Variants in GRID2 observed in about 807,000 individuals in gnomAD.
GRID2 encodes the protein glutamate receptor ionotropic, delta-2.
A neutral mutation model predicts 114.8 loss-of-function variants in GRID2; 33 were observed. The ratio of observed to expected loss-of-function variants is 0.29; its 90% CI spans 0.22 to 0.38. The LOEUF is 0.38. GRID2 is among the 10% of genes least tolerant of loss of function. GRID2 has a pLI of 1.00. For synonymous variants in GRID2, 505 were observed against 449.9 expected (o/e 1.12, Z -1.55); for missense variants, 1,184 against 1,257.7 (o/e 0.94, Z 0.89).
rs760605020 is a variant in GRID2, at chr4:92,688,037, C to CTTTTTTTTTTTTT, written c.244+97768_244+97780dup. On this transcript the variant is annotated intron_variant, in intron 2 of 15. Coordinates refer to ENST00000282020, the MANE Select transcript of GRID2 (RefSeq NM_001510.4). ...GCCACATTGGTTGACCCTTCTTCTT[C>CTTTTTTTTTTTTT]TTTTTTTTTTTTTTTTTTTTTTTTT... Among the ~76,000 whole-genome samples, 59 of 44,670 alleles carry CTTTTTTTTTTTTT rather than the reference C, an allele frequency of 1.3e-3. 7 individuals carry two copies. Among genetic ancestry groups the CTTTTTTTTTTTTT allele is most frequent in the East Asian group, 2.1e-3 (4 of 1,888 alleles). The allele number at this position is 44,670 out of a possible 152,430, so 29.3% of individuals were successfully genotyped here.
chr4:92,605,680 G>A (rs866366872), intron 2 of GRID2, among the ~76,000 whole-genome samples: 31 of 152,090 alleles, frequency 2.0e-4, no homozygotes, highest in African/African-American at 7.2e-4. Flanking sequence ...ATATGGGAAA[G>A]TAATTTGGAG....
At chr4:93,093,040 C>G (rs1030933405) in intron 3 of GRID2, among the ~76,000 whole-genome samples, 2 of 152,014 alleles carry the variant, frequency 1.3e-5, no homozygotes, top group Non-Finnish European at 2.9e-5. Flanking sequence ...TCAGCAAAGT[C>G]ATCACCATTT....
chr4:92,681,178 A>G (rs1327898635), intron 2 of GRID2, among the ~76,000 whole-genome samples: 1 of 152,176 alleles, frequency 6.6e-6, no homozygotes, highest in Non-Finnish European at 1.5e-5. Context: ...ATGGATTTAT[A>G]TGAGGCTATA....
intron 4 of GRID2, among the ~76,000 whole-genome samples, chr4:93,139,854 CATT>C (rs746665495): frequency 1.3e-5 from 2 of 151,736 alleles, no homozygotes; most frequent in South Asian, 2.1e-4. Context: ...GGAAACTAAA[CATT>C]ATGAGAAACA....
At chr4:93,154,825 T>C (rs770585028) in intron 4 of GRID2, among the ~76,000 whole-genome samples, 2 of 151,868 alleles carry the variant, frequency 1.3e-5, no homozygotes, top group Non-Finnish European at 2.9e-5. Flanking sequence ...CTACTGCAAT[T>C]CTGCCTACTC....
intron 2 of GRID2, among the ~76,000 whole-genome samples, chr4:92,991,043 T>C (rs1458089138): frequency 6.6e-6 from 1 of 151,748 alleles, no homozygotes; most frequent in African/African-American, 2.4e-5. Flanking sequence ...CTAAACTCTT[T>C]ATATATTTTC....
At chr4:92,331,737 T>C (rs1020933519) in intron 1 of GRID2, among the ~76,000 whole-genome samples, 2 of 152,226 alleles carry the variant, frequency 1.3e-5, no homozygotes, top group African/African-American at 4.8e-5. Context: ...TGTAATCTTC[T>C]ACATTTTAAT....
intron 1 of GRID2, among the ~76,000 whole-genome samples, chr4:92,385,411 A>G (rs1729898109): frequency 6.6e-6 from 1 of 151,808 alleles, no homozygotes. Context: ...AACACAGAGT[A>G]TCAACTGGAA....
rs189052073 is a variant in GRID2, at chr4:93,562,016, G to A, written c.2193+46605G>A. Among the ~76,000 whole-genome samples the A allele has an allele frequency of 7.9e-5, 12 of 152,148 alleles. No homozygotes were observed. The East Asian group carries it at 1.4e-3, about 17-fold the overall frequency. ...CATGTGCAAGCTTTTGTACAGACAC[G>A]AGTTTTCAACTCCTCTGGGTAAACA... On this transcript the variant is annotated intron_variant, in intron 13 of 15. Coordinates refer to ENST00000282020, the MANE Select transcript of GRID2 (RefSeq NM_001510.4).
At chr4:92,856,251 T>C (rs1744170851) in intron 2 of GRID2, among the ~76,000 whole-genome samples, 1 of 152,108 alleles carries the variant, frequency 6.6e-6, no homozygotes, top group Admixed American at 6.6e-5. Flanking sequence ...ATTATCATAT[T>C]TTCATTCCTG....
chr4:92,325,146 C>T (rs1315369806), intron 1 of GRID2, among the ~76,000 whole-genome samples: 1 of 151,834 alleles, frequency 6.6e-6, no homozygotes, highest in Non-Finnish European at 1.5e-5. Flanking sequence ...ATTGTTAATT[C>T]ATTGAACTAA....
chr4:93,095,928 A>T (rs1731187691), intron 3 of GRID2, among the ~76,000 whole-genome samples: 3 of 152,066 alleles, frequency 2.0e-5, no homozygotes, highest in Admixed American at 2.0e-4. Flanking sequence ...TAAAGATCTT[A>T]TATAGCCGCA....
intron 13 of GRID2, among the ~76,000 whole-genome samples, chr4:93,599,352 A>G (rs1480598138): frequency 6.6e-6 from 1 of 152,212 alleles, no homozygotes; most frequent in Non-Finnish European, 1.5e-5. Context: ...TACAATTTAG[A>G]GTAAGACCAG....
chr4:92,396,029 A>T (rs905434784), intron 1 of GRID2, among the ~76,000 whole-genome samples: 1 of 151,898 alleles, frequency 6.6e-6, no homozygotes, highest in Non-Finnish European at 1.5e-5. Context: ...TATGATACAG[A>T]GAAATAGTAT....
chr4:92,660,306 C>A (rs531080597), intron 2 of GRID2, among the ~76,000 whole-genome samples: 1 of 151,394 alleles, frequency 6.6e-6, no homozygotes, highest in East Asian at 1.9e-4. Context: ...AAGCTGCTAT[C>A]CCTAATGTAT....
chr4:92,924,811 A>G (rs1469991353), intron 2 of GRID2, among the ~76,000 whole-genome samples: 1 of 152,132 alleles, frequency 6.6e-6, no homozygotes. Context: ...ATGATTAATT[A>G]TTGCACATTT....
intron 1 of GRID2, among the ~76,000 whole-genome samples, chr4:92,471,538 T>A (rs1209415965): frequency 1.3e-5 from 2 of 152,108 alleles, no homozygotes; most frequent in African/African-American, 4.8e-5. Flanking sequence ...TTTTTAACTC[T>A]AACTGTTAAC....
At chr4:93,602,642 C>T (rs1739802814) in intron 13 of GRID2, among the ~76,000 whole-genome samples, 1 of 152,196 alleles carries the variant, frequency 6.6e-6, no homozygotes, top group African/African-American at 2.4e-5. Flanking sequence ...GTTCTGGCTG[C>T]TTCACCGACT....
At chr4:93,183,388 T>C (rs1267824758) in intron 4 of GRID2, among the ~76,000 whole-genome samples, 2 of 152,136 alleles carry the variant, frequency 1.3e-5, no homozygotes, top group Non-Finnish European at 2.9e-5. Context: ...CATAACCATG[T>C]TTTCTTCAAT....
Sources: allele counts gnomAD v4.1 joint callset (sites outside exome capture counted in the v4.1 genomes callset), GRCh38; gene constraint gnomAD v4.1.1; transcripts MANE v1.5; gene names NCBI Gene and HGNC (gene_info 2026-07-23, HGNC 2026-07-21).